SCN1A: variants seen among roughly 807,000 people sequenced by gnomAD.
SCN1A encodes the protein sodium channel protein type 1 subunit alpha.
SCN1A carries 13 observed loss-of-function variants against 193.7 expected under a neutral mutation model. The observed-to-expected ratio is 0.07, with a 90% confidence interval of 0.04 to 0.11. SCN1A has a LOEUF of 0.11. Ranked by LOEUF, SCN1A falls within the 10% of genes least tolerant of loss-of-function variation. The pLI is 1.00. For missense variants in SCN1A, 1,432 were observed against 2,451.1 expected, an observed-to-expected ratio of 0.58 and a Z score of 8.78; for synonymous variants, 781 against 843.6, an observed-to-expected ratio of 0.93 and a Z score of 1.29.
intron 2 of SCN1A, among the ~76,000 whole-genome samples, chr2:166,121,869 T>A (rs1365665420): frequency 1.3e-5 from 2 of 152,160 alleles, no homozygotes; most frequent in African/African-American, 4.8e-5. Context: ...TTAGAGCCTT[T>A]GAAGAAGTGG....
intron 19 of SCN1A, among the ~76,000 whole-genome samples, chr2:166,018,592 GT>G (rs200247079): frequency 0.01 from 1,524 of 151,978 alleles, 27 homozygotes; most frequent in African/African-American, 0.035. Context: ...TTCTTCTGAT[GT>G]TTTTTCATTA....
chr2:166,089,548 G>A (rs949166100), intron 2 of SCN1A, among the ~76,000 whole-genome samples: 1 of 151,980 alleles, frequency 6.6e-6, no homozygotes, highest in African/African-American at 2.4e-5. Context: ...GAGAGAGGGC[G>A]TAAGAGTTCT....
chr2:166,079,291 T>C (rs1685263204), intron 2 of SCN1A, among the ~76,000 whole-genome samples: 1 of 151,114 alleles, frequency 6.6e-6, no homozygotes. Context: ...GATGTGTAGA[T>C]AACACTTATG....
At chr2:166,115,211 T>C (rs777289961) in intron 2 of SCN1A, among the ~76,000 whole-genome samples, 3 of 151,856 alleles carry the variant, frequency 2.0e-5, no homozygotes, top group Non-Finnish European at 1.5e-5. Context: ...TACAAAAAAT[T>C]AGCTGGGCAT....
chr2:166,139,080 A>C (rs1691978777), intron 1 of SCN1A, among the ~76,000 whole-genome samples: 1 of 152,014 alleles, frequency 6.6e-6, no homozygotes, highest in African/African-American at 2.4e-5. Context: ...CAATGCCTGT[A>C]CTCCCATTGT....
In SCN1A at chr2:166,052,819, T is replaced by C. The variant is rs759799526; in HGVS notation, c.694+33A>G. ...CAGAGAAGGATGCTGAATCACATGATGGGTCCGTCTCATTATCTAACCTTG... is the reference window on the plus strand; with the variant it reads ...CAGAGAAGGATGCTGAATCACATGACGGGTCCGTCTCATTATCTAACCTTG... On this transcript the variant is annotated intron_variant, in intron 8 of 28. Transcript: ENST00000674923. The C allele has an allele frequency of 4.0e-6, 6 of 1,504,886 alleles. No individual in the cohort carries two copies. The Admixed American group carries it at 8.4e-5, about 21-fold the overall frequency. The allele number at this position is 1,504,886 out of a possible 1,614,324, so 93.2% of individuals were successfully genotyped here.
chr2:166,076,699 CA>C (rs1685017844), intron 3 of SCN1A, among the ~76,000 whole-genome samples: 1 of 151,768 alleles, frequency 6.6e-6, no homozygotes, highest in Non-Finnish European at 1.5e-5. Context: ...ATAAGTGGAT[CA>C]ATGGAATAGG....
At chr2:165,984,983 C>G (rs1688518143), downstream of SCN1A, 1 of 151,954 alleles carries the variant, frequency 6.6e-6, no homozygotes, top group African/African-American at 2.4e-5. Flanking sequence ...TTAATTTTAA[C>G]CAAGAGTGAA....
intron 23 of SCN1A, 77 bp from the exon 24 acceptor site, chr2:166,002,830 C>G (rs1691119167): frequency 8.4e-7 from 1 of 1,190,484 alleles, no homozygotes; most frequent in Non-Finnish European, 1.2e-6. Context: ...CTAGTAATCT[C>G]TGGTCTTTCC....
At chr2:166,136,841 G>C (rs1012686888) in intron 1 of SCN1A, among the ~76,000 whole-genome samples, 22 of 152,176 alleles carry the variant, frequency 1.4e-4, no homozygotes, top group Admixed American at 5.2e-4. Context: ...TTTAACTAAA[G>C]AGGAATGCAG....
intron 2 of SCN1A, among the ~76,000 whole-genome samples, chr2:166,084,741 G>A (rs1017131044): frequency 6.6e-6 from 1 of 152,132 alleles, no homozygotes; most frequent in African/African-American, 2.4e-5. Flanking sequence ...ACTCATGGTT[G>A]TATGGCAGAC....
chr2:166,075,530 G>C (rs1044977319), intron 3 of SCN1A, among the ~76,000 whole-genome samples: 5 of 151,822 alleles, frequency 3.3e-5, no homozygotes, highest in Non-Finnish European at 7.4e-5. Flanking sequence ...GGCTACATGG[G>C]TTTCCATTGC....
At chr2:166,038,913 T>C (rs982829320) in intron 17 of SCN1A, among the ~76,000 whole-genome samples, 7 of 152,188 alleles carry the variant, frequency 4.6e-5, no homozygotes, top group Non-Finnish European at 8.8e-5. Context: ...TCTACAATTA[T>C]TTTCCTGACT....
At chr2:166,071,991 C>T (rs1324490040) in intron 4 of SCN1A, 1 of 151,990 alleles carries the variant, frequency 6.6e-6, no homozygotes, top group African/African-American at 2.4e-5. Flanking sequence ...CCTTTTGTGA[C>T]GCTCTTTCCT....
rs969243154 is a variant in SCN1A at position 166,073,074 on chromosome 2, G to A, written c.264+284C>T. Among the ~76,000 whole-genome samples, 5 of 152,012 alleles carry A rather than the reference G, an allele frequency of 3.3e-5. No individual in the cohort carries two copies. In the South Asian group the frequency reaches 8.3e-4, roughly 25 times the overall value. On this transcript the variant is annotated intron_variant, in intron 4 of 28. Transcript: ENST00000674923. The stretch of plus-strand genomic sequence containing the variant: ...AGGATGGTCTCAATCTCTTAACCTC[G>A]TGATCTGCCTGCCTCGGCCCCTCAA...
chr2:166,145,727 T>A (rs941678033), intron 1 of SCN1A, among the ~76,000 whole-genome samples: 1 of 152,222 alleles, frequency 6.6e-6, no homozygotes, highest in African/African-American at 2.4e-5. Context: ...GAAAATGAAC[T>A]TAAATTCAAT....
At chr2:166,047,890 GTAAC>G in intron 10 of SCN1A, 122 bp from the exon 11 acceptor site, 1 of 1,322,490 alleles carries the variant, frequency 7.6e-7, no homozygotes. Flanking sequence ...TGACAAATAA[GTAAC>G]TAATCTATTT....
intron 2 of SCN1A, among the ~76,000 whole-genome samples, chr2:166,096,043 G>A (rs1469965496): frequency 2.0e-5 from 3 of 152,206 alleles, no homozygotes; most frequent in African/African-American, 7.2e-5. Flanking sequence ...TCCCACTCCA[G>A]TTTTGGATTC....
chr2:166,036,418 T>C lies in SCN1A; in HGVS notation c.3059A>G (p.His1020Arg), dbSNP rs576306073. ...TCTTTTCACATAAGCTACTCCTTTGTGCATCCTATCCACAGCAATTTGGAG... is the reference window on the plus strand; with the variant it reads ...TCTTTTCACATAAGCTACTCCTTTGCGCATCCTATCCACAGCAATTTGGAG... ...NNLQIAVDRM[H>R]KGVAYVKRKI... Residue 1020 changes from histidine (H) to arginine (R), a missense_variant, in exon 19 of 29, where the codon CAC becomes CGC. Around this residue, in one of 18 missense-constraint regions of SCN1A, gnomAD observed 198 missense variants for 225.8 expected, o/e 0.88. Transcript: ENST00000674923. 1.2e-6 allele frequency: 2 copies of C among 1,604,062 alleles called. No individual in the cohort carries two copies. Among genetic ancestry groups the C allele is most frequent in the South Asian group, 2.3e-5 (2 of 88,544 alleles).
Sources: allele counts gnomAD v4.1 joint callset (sites outside exome capture counted in the v4.1 genomes callset), GRCh38; gene constraint gnomAD v4.1.1; regional missense constraint gnomAD v4.1.1; transcripts MANE v1.5; gene names NCBI Gene and HGNC (gene_info 2026-07-23, HGNC 2026-07-21).